MTHFS: variants seen among roughly 807,000 people sequenced by gnomAD.
MTHFS encodes the protein 5-formyltetrahydrofolate cyclo-ligase.
A neutral mutation model predicts 12.7 loss-of-function variants in MTHFS; 7 were observed. The observed-to-expected ratio is 0.55, with a 90% confidence interval of 0.31 to 1.03. The LOEUF (loss-of-function observed/expected upper bound fraction) is 1.03. MTHFS is among the 50% of genes least tolerant of loss of function. The pLI is 0.05. For synonymous variants in MTHFS, 100 were observed against 97.1 expected (o/e 1.03, Z -0.18); for missense variants, 252 against 258.1 (o/e 0.98, Z 0.16).
At chr15:79,864,473 A>G (rs1349975413) in intron 2 of MTHFS, among the ~76,000 whole-genome samples, 2 of 130,478 alleles carry the variant, frequency 1.5e-5, no homozygotes, top group Non-Finnish European at 3.1e-5. Context: ...TGAACCCGGG[A>G]GGTGGAGGGT....
chr15:79,897,235 G>T (rs537220701), upstream of MTHFS: 1 of 457,200 alleles, frequency 2.2e-6, no homozygotes, highest in African/African-American at 2.0e-5. Context: ...TTAGGGGAGC[G>T]GTGGCGAGGC....
intron 2 of MTHFS, among the ~76,000 whole-genome samples, chr15:79,853,868 A>C (rs2033756349): frequency 6.6e-6 from 1 of 152,258 alleles, no homozygotes; most frequent in South Asian, 2.1e-4. Context: ...GTATCTGTTT[A>C]CAAACCAAGA....
intron 2 of MTHFS, among the ~76,000 whole-genome samples, chr15:79,851,728 T>TC (rs1372784224): frequency 6.6e-6 from 1 of 152,314 alleles, no homozygotes; most frequent in East Asian, 1.9e-4. Context: ...CATAAGAGAC[T>TC]CAGCTCATAA....
chr15:79,859,306 C>CCTGTA (rs1366467178), intron 2 of MTHFS, among the ~76,000 whole-genome samples: 2 of 152,186 alleles, frequency 1.3e-5, no homozygotes, highest in Non-Finnish European at 2.9e-5. Context: ...CTCATCCCAC[C>CCTGTA]AGGTATTAAA....
At chr15:79,871,108 A>G (rs2034097144) in intron 2 of MTHFS, among the ~76,000 whole-genome samples, 1 of 152,014 alleles carries the variant, frequency 6.6e-6, no homozygotes, top group Non-Finnish European at 1.5e-5. Context: ...GCTCCATTCG[A>G]CTCCAGCCTA....
At chr15:79,886,671 T>C (rs1407257540) in intron 2 of MTHFS, among the ~76,000 whole-genome samples, 1 of 152,214 alleles carries the variant, frequency 6.6e-6, no homozygotes, top group Non-Finnish European at 1.5e-5. Flanking sequence ...ACACTTATAT[T>C]TGACATATAA....
intron 1 of MTHFS, among the ~76,000 whole-genome samples, chr15:79,892,937 G>A (rs182155409): frequency 2.9e-3 from 445 of 151,590 alleles, no homozygotes; most frequent in African/African-American, 0.01. Flanking sequence ...GCAACAGAGC[G>A]AGACTCCATC....
At chr15:79,851,684 G>C (rs2033719269) in intron 2 of MTHFS, among the ~76,000 whole-genome samples, 1 of 152,212 alleles carries the variant, frequency 6.6e-6, no homozygotes. Flanking sequence ...CTGATGCTCA[G>C]AGAGGTCAAA....
chr15:79,875,909 T>C (rs2034187051), intron 2 of MTHFS: 1 of 152,066 alleles, frequency 6.6e-6, no homozygotes, highest in Non-Finnish European at 1.5e-5. Context: ...TTTGAATATT[T>C]GAAGAAACAA....
intron 1 of MTHFS, 119 bp from the exon 2 acceptor site, chr15:79,889,473 A>ACCC: frequency 8.2e-7 from 1 of 1,225,216 alleles, no homozygotes; most frequent in Non-Finnish European, 1.1e-6. Context: ...AAGAAAAAAA[A>ACCC]AGGGGGGGGG....
At chr15:79,873,705 T>C (rs553744314) in intron 2 of MTHFS, among the ~76,000 whole-genome samples, 14 of 152,190 alleles carry the variant, frequency 9.2e-5, no homozygotes, top group Non-Finnish European at 1.6e-4. Flanking sequence ...TCCTCAAGAA[T>C]GGCAGTTTTA....
chr15:79,852,993 G>A (rs901521412), intron 2 of MTHFS, among the ~76,000 whole-genome samples: 1 of 152,158 alleles, frequency 6.6e-6, no homozygotes, highest in East Asian at 1.9e-4. Context: ...AGATCTCACA[G>A]CAGCACTTTC....
intron 2 of MTHFS, among the ~76,000 whole-genome samples, chr15:79,887,948 C>G (rs1359811139): frequency 6.6e-6 from 1 of 152,136 alleles, no homozygotes; most frequent in African/African-American, 2.4e-5. Context: ...TCCCCTCTGA[C>G]TCCATCATAC....
upstream of MTHFS, chr15:79,897,111 G>T: frequency 1.2e-6 from 1 of 843,374 alleles, no homozygotes; most frequent in Non-Finnish European, 1.7e-6. Context: ...TCGGGGAAGC[G>T]CCCCCACCCC....
At chr15:79,886,740 C>T (rs1479588242) in intron 2 of MTHFS, among the ~76,000 whole-genome samples, 3 of 152,138 alleles carry the variant, frequency 2.0e-5, no homozygotes, top group Admixed American at 6.5e-5. Flanking sequence ...TAGTGTGAGT[C>T]CCTTCAAATC....
At chr15:79,895,659 C>T (rs575649785) in intron 1 of MTHFS, among the ~76,000 whole-genome samples, 1 of 152,200 alleles carries the variant, frequency 6.6e-6, no homozygotes, top group Non-Finnish European at 1.5e-5. Context: ...TCTGTTTGAA[C>T]GAACGAATTA....
chr15:79,853,028 G>C (rs1390395082), intron 2 of MTHFS, among the ~76,000 whole-genome samples: 1 of 152,118 alleles, frequency 6.6e-6, no homozygotes, highest in East Asian at 1.9e-4. Flanking sequence ...AAAGAGCCTA[G>C]AAAAATATCA....
chr15:79,894,755 A>C (rs2034537252), intron 1 of MTHFS, among the ~76,000 whole-genome samples: 1 of 152,156 alleles, frequency 6.6e-6, no homozygotes, highest in Non-Finnish European at 1.5e-5. Context: ...AAATTTTGGA[A>C]TCACTGGTGA....
At chr15:79,854,299 C>A (rs1426383505) in intron 2 of MTHFS, among the ~76,000 whole-genome samples, 2 of 152,150 alleles carry the variant, frequency 1.3e-5, no homozygotes, top group Non-Finnish European at 2.9e-5. Context: ...GCTGACTGTA[C>A]CAACAACTTG....
Sources: gnomAD v4.1 joint callset for allele counts (sites outside exome capture counted in the v4.1 genomes callset) on GRCh38, gnomAD v4.1.1 for gene constraint, MANE v1.5 for transcripts, NCBI Gene and HGNC (gene_info 2026-07-23, HGNC 2026-07-21) for gene names.